Variants in MYO7B observed in about 807,000 individuals in gnomAD.
MYO7B encodes the protein myosin VIIB.
MYO7B carries 212 observed loss-of-function variants against 259.7 expected under a neutral mutation model. The ratio of observed to expected loss-of-function variants is 0.82; its 90% CI spans 0.73 to 0.91. MYO7B has a LOEUF of 0.91. Among genes scored for constraint, MYO7B ranks in the 40% least tolerant of loss-of-function variants. The pLI is 0.00. For synonymous variants in MYO7B, 1,197 were observed against 1,166.4 expected, an observed-to-expected ratio of 1.03 and a Z score of -0.54; for missense variants, 2,732 against 2,813.5, an observed-to-expected ratio of 0.97 and a Z score of 0.66.
In MYO7B at chr2:127,608,895, G is replaced by A; in HGVS notation, c.2814+17G>A. The A allele has an allele frequency of 6.2e-7, 1 of 1,606,478 alleles. No homozygotes were observed. The highest frequency in any genetic ancestry group is 2.2e-5 in the East Asian group (1 of 44,612). On this transcript the variant is annotated intron_variant, in intron 22 of 47. Coordinates refer to ENST00000409816, the MANE Select transcript of MYO7B (RefSeq NM_001393586.1). ...CACTTTGAGGTAACACAAGCCTGGT[G>A]TCCACAATCCGCCCCGGGTGGGGAC... is the stretch of plus-strand genomic sequence containing the variant.
rs1272755946 is a variant in MYO7B at position 127,608,297 on chromosome 2, T to C, written c.2644-411T>C. 4.6e-5 allele frequency among the ~76,000 whole-genome samples: 7 copies of C among 152,202 alleles called. No homozygotes were observed. The South Asian group carries it at 6.2e-4, about 13-fold the overall frequency. ...CCCCCAGCTGCCTGCAAAGCAGCCT[T>C]ATCTGTGACTTCGTTACTGCAGCCC... On this transcript the variant is annotated intron_variant, in intron 21 of 47. Transcript: ENST00000409816.
In MYO7B at chr2:127,597,618, T is replaced by TTTAC. The variant is rs1393451167; in HGVS notation, c.2339+1065_2339+1066insCTTA. ...AGGTTATTGCTTGCATTAATATTTATTTATTTATTTATTTATTTATTTATT... is the reference window on the plus strand; with the variant it reads ...AGGTTATTGCTTGCATTAATATTTATTTACTTATTTATTTATTTATTTATTTATT... On this transcript the variant is annotated intron_variant, in intron 19 of 47. Coordinates refer to ENST00000409816, the MANE Select transcript of MYO7B (RefSeq NM_001393586.1). The surrounding 1 kb of genome is among the most constrained non-coding windows in gnomAD (Gnocchi z 4.8). Among the ~76,000 whole-genome samples the TTTAC allele has an allele frequency of 7.2e-6, 1 of 138,024 alleles. No individual in the cohort carries two copies. The highest frequency in any genetic ancestry group is 2.6e-5 in the African/African-American group (1 of 38,750). 90.5% of individuals were successfully genotyped at this position (138,024 alleles called of 152,430 possible).
At position 127,623,210 on chromosome 2, in the gene MYO7B, G is replaced by A. The variant is rs928275340; in HGVS notation, c.3654G>A (p.Lys1218=). 6.2e-7 allele frequency: 1 copy of A among 1,613,412 alleles called. No homozygotes were observed. The change falls in exon 29 of 48, where the codon AAG becomes AAA. Residue 1218 remains lysine (K), a synonymous_variant. Transcript: ENST00000409816. ...ATCTCATCTGTCCCCAGGCTGTCAA[G>A]TCCAAGAAGCACATCCCCATCCAAG... ...PPTWLELQAV[K]SKKHIPIQVI... is the part of the protein sequence containing the mutation.
Position 127,565,283 on chromosome 2 carries a change from C to G in MYO7B, c.183C>G (p.Pro61=). 1 of 1,614,000 alleles carries G rather than the reference C, an allele frequency of 6.2e-7. No individual in the cohort carries two copies. The highest frequency in any genetic ancestry group is 8.5e-7 in the Non-Finnish European group (1 of 1,179,868). ...EDFGVLSPMH[P]NSVQGVDDMI... The stretch of plus-strand genomic sequence containing the variant: ...TTGGTGTCCTCAGTCCCATGCACCC[C>G]AACTCAGTCCAGGGTGTGGACGACA... Residue 61 remains proline, a synonymous_variant, in exon 4 of 48, where the codon CCC becomes CCG. Coordinates refer to ENST00000409816, the MANE Select transcript of MYO7B (RefSeq NM_001393586.1).
chr2:127,621,554 C>G (rs1198523355), intron 27 of MYO7B, among the ~76,000 whole-genome samples: 3 of 152,158 alleles, frequency 2.0e-5, no homozygotes, highest in Admixed American at 2.0e-4. Context: ...AGCCACCATG[C>G]CTGGCCCTGC....
chr2:127,566,843 C>G lies in MYO7B; in HGVS notation c.470+16C>G, dbSNP rs370650117. On this transcript the variant is annotated intron_variant, in intron 5 of 47. Coordinates refer to ENST00000409816, the MANE Select transcript of MYO7B (RefSeq NM_001393586.1). ...GCATCATCAGGTGAGGCAGAGGGGT[C>G]AGGCACCACCTCCAGGCATCTCCCT... 19 of 1,600,766 alleles carry G rather than the reference C, an allele frequency of 1.2e-5. No individual in the cohort carries two copies. In the African/African-American group the frequency reaches 2.4e-4, roughly 20 times the overall value.
Position 127,586,978 on chromosome 2 carries a change from C to T in MYO7B, c.1691-1414C>T, listed in dbSNP as rs1679329117. On this transcript the variant is annotated intron_variant, in intron 14 of 47. Coordinates refer to ENST00000409816, the MANE Select transcript of MYO7B (RefSeq NM_001393586.1). This position sits in a 1 kb window ranked among gnomAD's most constrained non-coding sequence, Gnocchi z 4.8. Reference sequence around the variant, plus strand: ...CAGTGCAGCCCCCCTGGTGCTGCTCCCCTCACAGACACCTGCAGGAAGAGG... The same window carrying T: ...CAGTGCAGCCCCCCTGGTGCTGCTCTCCTCACAGACACCTGCAGGAAGAGG... Among the ~76,000 whole-genome samples, 2 of 152,104 alleles carry T rather than the reference C, an allele frequency of 1.3e-5. No individual in the cohort carries two copies. Among genetic ancestry groups the T allele is most frequent in the African/African-American group, 4.8e-5 (2 of 41,418 alleles).
At position 127,632,397 on chromosome 2, in the gene MYO7B, C is replaced by T; in HGVS notation, c.5401C>T (p.Leu1801=). 6.4e-7 allele frequency: 1 copy of T among 1,551,750 alleles called. No homozygotes were observed. The highest frequency in any genetic ancestry group is 8.7e-7 in the Non-Finnish European group (1 of 1,147,948). Residue 1801 remains leucine, a synonymous_variant, in exon 39 of 48, where the codon CTG becomes TTG. Transcript: ENST00000409816. ...PDCSRRIQKV[L]RTGPRKQPPH... ...CTGCAGCCGCCGAATCCAGAAGGTC[C>T]TGAGGTGAGCCCAGTGCCTCCAGCC...
rs1470148339 is a variant in MYO7B, at chr2:127,592,925, G to A, written c.2124G>A (p.Leu708=). 4 of 1,600,860 alleles carry A rather than the reference G, an allele frequency of 2.5e-6. No homozygotes were observed. In the Admixed American group the frequency reaches 5.1e-5, roughly 21 times the overall value. Residue 708 remains leucine (L), a synonymous_variant, in exon 17 of 48, where the codon CTG becomes CTA. Coordinates refer to ENST00000409816, the MANE Select transcript of MYO7B (RefSeq NM_001393586.1). ...EEFSQRFGVL[L]PNAMRMQLQG... is the part of the protein sequence containing the mutation. ...TCTCGCAGAGGTTCGGCGTGTTGCT[G>A]CCCAACGCCATGCGGATGCAGGTCA...
rs373114081 is a variant in MYO7B at position 127,624,898 on chromosome 2, A to G, written c.4048-470A>G. Among the ~76,000 whole-genome samples the G allele has an allele frequency of 4.2e-3, 643 of 152,322 alleles. 4 individuals carry two copies. Among genetic ancestry groups the G allele is most frequent in the African/African-American group, 0.015 (612 of 41,586 alleles). The stretch of plus-strand genomic sequence containing the variant: ...TCCGGGACCCATTGGAGGCGGCCAT[A>G]GCAGTGCAGGAAGCCCGCCTGGAAG... On this transcript the variant is annotated intron_variant, in intron 30 of 47. Coordinates refer to ENST00000409816, the MANE Select transcript of MYO7B (RefSeq NM_001393586.1).
intron 34 of MYO7B, among the ~76,000 whole-genome samples, chr2:127,629,034 G>T: frequency 6.6e-6 from 1 of 152,208 alleles, no homozygotes; most frequent in East Asian, 1.9e-4. Context: ...TGTGGGCTAT[G>T]GGGGAGCATG....
intron 6 of MYO7B, 131 bp downstream of exon 6, chr2:127,570,041 C>T (rs1365979863): frequency 8.4e-7 from 1 of 1,183,450 alleles, no homozygotes; most frequent in South Asian, 2.0e-5. Flanking sequence ...GGACACAAAA[C>T]ACAAGGGTGG....
At chr2:127,587,022 C>T (rs1369380398) in intron 14 of MYO7B, among the ~76,000 whole-genome samples, 1 of 152,206 alleles carries the variant, frequency 6.6e-6, no homozygotes, top group Non-Finnish European at 1.5e-5. Context: ...AGACTCCCTT[C>T]CCTCTCCCAC....
chr2:127,596,249 G>A (rs1197266846), intron 18 of MYO7B, among the ~76,000 whole-genome samples: 1 of 152,228 alleles, frequency 6.6e-6, no homozygotes, highest in Non-Finnish European at 1.5e-5. Context: ...AGAAGAAAGA[G>A]CTAATGTGGG....
chr2:127,596,318 G>A, intron 18 of MYO7B, 144 bp from the exon 19 acceptor site: 1 of 653,902 alleles, frequency 1.5e-6, no homozygotes, highest in Non-Finnish European at 2.8e-6. Flanking sequence ...GCAACATCAA[G>A]GTCACTTTGA....
In MYO7B at chr2:127,559,334, G is replaced by C. The variant is rs928934503; in HGVS notation, c.-23-366G>C. ...TGTGAGGCTTAAAGTTGTGTCTATA[G>C]CTCCAGTGGCTGCTTACCTGAGCAC... On this transcript the variant is annotated intron_variant, in intron 1 of 47. Coordinates refer to ENST00000409816, the MANE Select transcript of MYO7B (RefSeq NM_001393586.1). This position sits in a 1 kb window ranked among gnomAD's most constrained non-coding sequence, Gnocchi z 4.1. Among the ~76,000 whole-genome samples, 6 of 152,208 alleles carry C rather than the reference G, an allele frequency of 3.9e-5. No homozygotes were observed. The highest frequency in any genetic ancestry group is 1.4e-4 in the African/African-American group (6 of 41,448).
At chr2:127,634,972 A>C (rs4662750) in intron 42 of MYO7B, 148 bp from the exon 43 acceptor site, 439,546 of 699,730 alleles carry the variant, frequency 0.63, 143,818 homozygotes, top group African/African-American at 0.91. Context: ...CTACACTAAT[A>C]TTGAAGGAAA....
At chr2:127,560,129 C>T (rs1398585709) in intron 2 of MYO7B, among the ~76,000 whole-genome samples, 1 of 151,462 alleles carries the variant, frequency 6.6e-6, no homozygotes, top group African/African-American at 2.4e-5. Flanking sequence ...TGGGTTCAAG[C>T]GATCTTCCAG....
At chr2:127,629,385 G>A (rs371871481) in intron 34 of MYO7B, among the ~76,000 whole-genome samples, 5 of 152,252 alleles carry the variant, frequency 3.3e-5, no homozygotes, top group South Asian at 4.2e-4. Flanking sequence ...TCAGCCCTCC[G>A]AGGGTCTCCC....
Sources: gnomAD v4.1 joint callset for allele counts (sites outside exome capture counted in the v4.1 genomes callset) on GRCh38, gnomAD v4.1.1 for gene constraint, Gnocchi (gnomAD v3.1) non-coding constraint, MANE v1.5 for transcripts, NCBI Gene and HGNC (gene_info 2026-07-23, HGNC 2026-07-21) for gene names.